The following LPP variants were observed in gnomAD, a reference collection of about 807,000 sequenced individuals.
LPP encodes lipoma-preferred partner.
In LPP, 38 loss-of-function variants were observed where a neutral mutation model predicts 60.4. That is an observed-to-expected ratio of 0.63 (90% confidence interval 0.49 to 0.83). The LOEUF (loss-of-function observed/expected upper bound fraction) is 0.83, where lower values mean the gene tolerates loss of function less well. Among genes scored for constraint, LPP ranks in the 40% least tolerant of loss-of-function variants. LPP has a pLI of 0.00. For missense variants in LPP, 902 were observed against 783.6 expected, an observed-to-expected ratio of 1.15 and a Z score of -1.80; for synonymous variants, 328 against 290.8, an observed-to-expected ratio of 1.13 and a Z score of -1.30.
chr3:188,641,331 C>T (rs540014483), intron 7 of LPP, among the ~76,000 whole-genome samples: 1 of 152,304 alleles, frequency 6.6e-6, no homozygotes, highest in Admixed American at 6.5e-5. Flanking sequence ...GAGAAGAGGA[C>T]ACATGCATAG....
intron 6 of LPP, among the ~76,000 whole-genome samples, chr3:188,549,679 TC>T (rs1448393063): frequency 6.6e-6 from 1 of 152,144 alleles, no homozygotes; most frequent in Non-Finnish European, 1.5e-5. Context: ...AAATACAAAC[TC>T]AGTTTACCTG....
intron 8 of LPP, among the ~76,000 whole-genome samples, chr3:188,732,322 G>A (rs998727544): frequency 1.3e-5 from 2 of 152,182 alleles, no homozygotes; most frequent in African/African-American, 4.8e-5. Flanking sequence ...GATGGGAGGA[G>A]ACATAAGGGA....
At chr3:188,787,397 T>C (rs1742280028) in intron 9 of LPP, among the ~76,000 whole-genome samples, 1 of 151,930 alleles carries the variant, frequency 6.6e-6, no homozygotes, top group Non-Finnish European at 1.5e-5. Context: ...AAAAACCCTT[T>C]GACAACTTTA....
intron 4 of LPP, among the ~76,000 whole-genome samples, chr3:188,425,243 A>G (rs1211886868): frequency 1.3e-5 from 2 of 152,190 alleles, no homozygotes; most frequent in African/African-American, 2.4e-5. Flanking sequence ...GTGATGCATT[A>G]TGTTTATTGA....
At chr3:188,240,511 G>A (rs550395973) in intron 2 of LPP, among the ~76,000 whole-genome samples, 1 of 152,192 alleles carries the variant, frequency 6.6e-6, no homozygotes, top group Admixed American at 6.5e-5. Flanking sequence ...GAATTTGACT[G>A]CTTTATTTTG....
At chr3:188,833,649 A>G (rs938382663) in intron 9 of LPP, among the ~76,000 whole-genome samples, 3 of 152,110 alleles carry the variant, frequency 2.0e-5, no homozygotes, top group African/African-American at 7.2e-5. Flanking sequence ...ACTAAGCAAA[A>G]TGTCTTCACT....
intron 3 of LPP, among the ~76,000 whole-genome samples, chr3:188,401,090 T>C (rs757887865): frequency 3.2e-4 from 49 of 152,334 alleles, no homozygotes; most frequent in Non-Finnish European, 6.2e-4. Context: ...GTCACACTTG[T>C]ATAGCTGAGA....
chr3:188,612,622 C>T lies in LPP; in HGVS notation c.1113+2778C>T, dbSNP rs74994055. Among the ~76,000 whole-genome samples the T allele has an allele frequency of 3.2e-3, 490 of 152,228 alleles. 4 individuals carry two copies. Among genetic ancestry groups the T allele is most frequent in the African/African-American group, 0.011 (467 of 41,534 alleles). ...AAATTTCCAAAGGCTGAATAATTGC[C>T]AAGTGAAGACTATTCAGCTTTCCAC... On this transcript the variant is annotated intron_variant, in intron 7 of 11. Coordinates refer to ENST00000617246, the MANE Select transcript of LPP (RefSeq NM_001375462.1).
At chr3:188,677,417 A>G (rs961709521) in intron 7 of LPP, among the ~76,000 whole-genome samples, 1 of 152,160 alleles carries the variant, frequency 6.6e-6, no homozygotes, top group African/African-American at 2.4e-5. Context: ...GGCTTTGTGA[A>G]ATTCATAAAT....
At chr3:188,362,139 G>T (rs1410600663) in intron 3 of LPP, among the ~76,000 whole-genome samples, 3 of 152,014 alleles carry the variant, frequency 2.0e-5, no homozygotes, top group Non-Finnish European at 4.4e-5. Flanking sequence ...TGAAGGAGGG[G>T]GTATTTGAAC....
chr3:188,416,895 C>T (rs542000045), intron 4 of LPP, among the ~76,000 whole-genome samples: 1 of 152,048 alleles, frequency 6.6e-6, no homozygotes, highest in African/African-American at 2.4e-5. Flanking sequence ...TGTAAATTAT[C>T]TAAAAATGGA....
chr3:188,361,536 CCTCT>C (rs753169148), intron 3 of LPP, among the ~76,000 whole-genome samples: 4,983 of 132,132 alleles, frequency 0.038, 147 homozygotes, highest in Non-Finnish European at 0.062. Context: ...CCTCTCCTCT[CCTCT>C]CCTCCCCTCT....
chr3:188,710,378 C>T (rs972038371), intron 8 of LPP: 1 of 152,146 alleles, frequency 6.6e-6, no homozygotes, highest in Non-Finnish European at 1.5e-5. Context: ...TGCCTGAGCC[C>T]CATTTCCCAC....
At chr3:188,495,195 T>TTA (rs386398836) in intron 5 of LPP, among the ~76,000 whole-genome samples, 82 of 141,214 alleles carry the variant, frequency 5.8e-4, no homozygotes, top group Non-Finnish European at 8.2e-4. Context: ...ATATATATAT[T>TTA]TATAAATATA....
chr3:188,684,514 C>T (rs1288055509), intron 7 of LPP, among the ~76,000 whole-genome samples: 1 of 152,210 alleles, frequency 6.6e-6, no homozygotes, highest in Non-Finnish European at 1.5e-5. Context: ...AGGTCCTTCA[C>T]TGATAGCTTA....
At chr3:188,490,751 ATTTTTT>A (rs58700818) in intron 5 of LPP, among the ~76,000 whole-genome samples, 4 of 91,746 alleles carry the variant, frequency 4.4e-5, no homozygotes, top group Admixed American at 1.6e-4. Flanking sequence ...TGGCACTGGA[ATTTTTT>A]TTTTTTTTTT....
chr3:188,507,744 A>G (rs940722634), intron 5 of LPP, among the ~76,000 whole-genome samples: 42 of 152,188 alleles, frequency 2.8e-4, no homozygotes, highest in African/African-American at 9.9e-4. Context: ...AACTTGGCCA[A>G]CTACCAGATC....
At chr3:188,588,530 T>G (rs766540832) in intron 6 of LPP, among the ~76,000 whole-genome samples, 1 of 152,220 alleles carries the variant, frequency 6.6e-6, no homozygotes, top group Non-Finnish European at 1.5e-5. Flanking sequence ...CCACAATGTG[T>G]AGATTCAGAT....
At chr3:188,654,574 C>T (rs1852758828) in intron 7 of LPP, among the ~76,000 whole-genome samples, 1 of 152,056 alleles carries the variant, frequency 6.6e-6, no homozygotes, top group Non-Finnish European at 1.5e-5. Context: ...ATATACTCCA[C>T]ATATCTCCAC....
Sources: gnomAD v4.1 joint callset for allele counts (sites outside exome capture counted in the v4.1 genomes callset) on GRCh38, gnomAD v4.1.1 for gene constraint, MANE v1.5 for transcripts, NCBI Gene and HGNC (gene_info 2026-07-23, HGNC 2026-07-21) for gene names.